The following C11orf87 variants were observed in gnomAD, a reference collection of about 807,000 sequenced individuals.
C11orf87 encodes the protein chromosome 11 open reading frame 87.
In C11orf87, 3 loss-of-function variants were observed where a neutral mutation model predicts 9.2. That is an observed-to-expected ratio of 0.33 (90% CI 0.15 to 0.84). The LOEUF (loss-of-function observed/expected upper bound fraction) is 0.84, where lower values mean the gene tolerates loss of function less well. Among genes scored for constraint, C11orf87 ranks in the 40% least tolerant of loss-of-function variants. The probability of loss-of-function intolerance (pLI) is 0.55; values close to 1 mark genes in which losing one functional copy is unlikely to be tolerated. For missense variants in C11orf87, 256 were observed against 270.7 expected, an observed-to-expected ratio of 0.95 and a Z score of 0.38; for synonymous variants, 124 against 124.6, an observed-to-expected ratio of 1.00 and a Z score of 0.03.
In C11orf87 at chr11:109,423,977, T is replaced by C. The variant is rs763190720; in HGVS notation, c.344T>C (p.Leu115Pro). Reference sequence around the variant, plus strand: ...AGCGGCAGCCGCGGTGGCGGGGGGCTGCCCCGACCTGGCAGGCAGGCCCCA... The same window carrying C: ...AGCGGCAGCCGCGGTGGCGGGGGGCCGCCCCGACCTGGCAGGCAGGCCCCA... ...HCSGSRGGGG[L>P]PRPGRQAPTH... The change falls in exon 2 of 2, where the codon CTG becomes CCG. Residue 115 changes from leucine (L) to proline (P), a missense_variant. Coordinates refer to ENST00000327419, the MANE Select transcript of C11orf87 (RefSeq NM_207645.4). This position sits in a 1 kb window ranked among gnomAD's most constrained non-coding sequence, Gnocchi z 5.3. 5.0e-6 allele frequency: 8 copies of C among 1,613,578 alleles called. No individual in the cohort carries two copies. In the South Asian group the frequency reaches 7.7e-5, roughly 16 times the overall value.
rs1860548640 is a variant in C11orf87 at position 109,424,801 on chromosome 11, T to A, written c.*574T>A. On this transcript the variant is annotated 3_prime_UTR_variant, in exon 2 of 2. Coordinates refer to ENST00000327419, the MANE Select transcript of C11orf87 (RefSeq NM_207645.4). This position sits in a 1 kb window ranked among gnomAD's most constrained non-coding sequence, Gnocchi z 4.7. ...AATAGTATATTATAAAGAAAATGTCTACATTAAGCACCAGGACTGCAAGAG... is the reference window on the plus strand; with the variant it reads ...AATAGTATATTATAAAGAAAATGTCAACATTAAGCACCAGGACTGCAAGAG... 2 of 167,166 alleles carry A rather than the reference T, an allele frequency of 1.2e-5. No individual in the cohort carries two copies. The highest frequency in any genetic ancestry group is 4.1e-4 in the South Asian group (2 of 4,822). 10.4% of individuals were successfully genotyped at this position (167,166 alleles called of 1,614,324 possible). A position where few individuals can be genotyped will look rare whatever the true frequency, so the allele number is the denominator to read the frequency against.
chr11:109,423,629 C>A lies in C11orf87; in HGVS notation c.-5C>A, dbSNP rs779524290. ...GTGGGCCTGGCCCCTCCCAGCCCCG[C>A]GCCAATGAGTGCCAGGGCGCCGAAG... On this transcript the variant is annotated 5_prime_UTR_variant, in exon 2 of 2. Coordinates refer to ENST00000327419, the MANE Select transcript of C11orf87 (RefSeq NM_207645.4). This position sits in a 1 kb window ranked among gnomAD's most constrained non-coding sequence, Gnocchi z 5.3. The A allele has an allele frequency of 6.3e-7, 1 of 1,592,346 alleles. No homozygotes were observed. Among genetic ancestry groups the A allele is most frequent in the Non-Finnish European group, 8.5e-7 (1 of 1,176,314 alleles).
Position 109,427,426 on chromosome 11 carries a change from A to G in C11orf87, c.*3199A>G, listed in dbSNP as rs1204150057. Reference sequence around the variant, plus strand: ...TCCAGTTTCCACACAAAATTATTTCAATAAGCACATATCCAAGCAATTTGT... The same window carrying G: ...TCCAGTTTCCACACAAAATTATTTCGATAAGCACATATCCAAGCAATTTGT... On this transcript the variant is annotated 3_prime_UTR_variant, in exon 2 of 2. Transcript: ENST00000327419. 6.6e-6 allele frequency: 1 copy of G among 152,174 alleles called. No homozygotes were observed. The highest frequency in any genetic ancestry group is 2.4e-5 in the African/African-American group (1 of 41,456). The allele number at this position is 152,174 out of a possible 1,614,324, so 9.4% of individuals were successfully genotyped here.
chr11:109,423,152 G>A lies in C11orf87; in HGVS notation c.-259-223G>A, dbSNP rs1287999716. ...CTGCTGAGTAATCTGCACCTCCGCG[G>A]TGCCGGCGCAGACCCCATCCTGTCG... On this transcript the variant is annotated intron_variant, in intron 1 of 1. Coordinates refer to ENST00000327419, the MANE Select transcript of C11orf87 (RefSeq NM_207645.4). The surrounding 1 kb of genome is among the most constrained non-coding windows in gnomAD (Gnocchi z 5.3). Among the ~76,000 whole-genome samples, 1 of 152,214 alleles carries A rather than the reference G, an allele frequency of 6.6e-6. No homozygotes were observed. Among genetic ancestry groups the A allele is most frequent in the Non-Finnish European group, 1.5e-5 (1 of 68,038 alleles).
At chr11:109,422,976 C>CT (rs894112769) in intron 1 of C11orf87, among the ~76,000 whole-genome samples, 3 of 151,602 alleles carry the variant, frequency 2.0e-5, no homozygotes, top group African/African-American at 7.3e-5. Flanking sequence ...GGAGTGGGTG[C>CT]TGGGAAGGGT....
At position 109,424,850 on chromosome 11, in the gene C11orf87, A is replaced by C. The variant is rs1860549480; in HGVS notation, c.*623A>C. ...AGGCCATAGAGAATAGTCCCCGGAA[A>C]GTGTTTATGACAGGTACCCCTCGCC... On this transcript the variant is annotated 3_prime_UTR_variant, in exon 2 of 2. Coordinates refer to ENST00000327419, the MANE Select transcript of C11orf87 (RefSeq NM_207645.4). This position sits in a 1 kb window ranked among gnomAD's most constrained non-coding sequence, Gnocchi z 4.7. The C allele has an allele frequency of 1.2e-5, 2 of 167,202 alleles. No individual in the cohort carries two copies. Among genetic ancestry groups the C allele is most frequent in the South Asian group, 4.1e-4 (2 of 4,822 alleles). 10.4% of individuals were successfully genotyped at this position (167,202 alleles called of 1,614,324 possible).
intron 1 of C11orf87, 106 bp downstream of exon 1, chr11:109,422,369 T>C: frequency 6.2e-6 from 1 of 161,900 alleles, no homozygotes; most frequent in South Asian, 1.5e-4. Flanking sequence ...CCCCTGGCCA[T>C]AGCTCCAGCC....
rs1246011905 is a variant in C11orf87, at chr11:109,425,756, G to T, written c.*1529G>T. On this transcript the variant is annotated 3_prime_UTR_variant, in exon 2 of 2. Transcript: ENST00000327419. ...AGTTACCACCTGGAGGCAGTGGTGT[G>T]TGTGCTTGCTTGTACTGTATGTGGT... is the stretch of plus-strand genomic sequence containing the variant. 1 of 152,474 alleles carries T rather than the reference G, an allele frequency of 6.6e-6. No homozygotes were observed. The allele number at this position is 152,474 out of a possible 1,614,324, so 9.4% of individuals were successfully genotyped here. A position where few individuals can be genotyped will look rare whatever the true frequency, so the allele number is the denominator to read the frequency against.
At chr11:109,422,722 C>CT (rs772868114) in intron 1 of C11orf87, among the ~76,000 whole-genome samples, 3,548 of 71,402 alleles carry the variant, frequency 0.05, 644 homozygotes, top group East Asian at 0.1. Flanking sequence ...GCTTCAGCTG[C>CT]TTTTTTTTTT....
In C11orf87 at chr11:109,423,691, C is replaced by G; in HGVS notation, c.58C>G (p.Arg20Gly). Reference protein sequence around the residue: ...RLALPPCLLNRTFASPNASGS... With the variant: ...RLALPPCLLNGTFASPNASGS... ...GGCGTTGCCGCCGTGTCTCCTCAAC[C>G]GGACCTTTGCTTCCCCCAACGCCAG... Residue 20 changes from arginine (R) to glycine (G), a missense_variant, in exon 2 of 2, where the codon CGG (arginine) becomes GGG (glycine). Coordinates refer to ENST00000327419, the MANE Select transcript of C11orf87 (RefSeq NM_207645.4). The surrounding 1 kb of genome is among the most constrained non-coding windows in gnomAD (Gnocchi z 5.3). 1 of 1,611,874 alleles carries G rather than the reference C, an allele frequency of 6.2e-7. No homozygotes were observed. Among genetic ancestry groups the G allele is most frequent in the Non-Finnish European group, 8.5e-7 (1 of 1,179,886 alleles).
rs1860594016 is a variant in C11orf87 at position 109,427,882 on chromosome 11, C to T, written c.*3655C>T. On this transcript the variant is annotated 3_prime_UTR_variant, in exon 2 of 2. Coordinates refer to ENST00000327419, the MANE Select transcript of C11orf87 (RefSeq NM_207645.4). ...TGACTTTTTGTATTCTCTTTTCTGT[C>T]ATTACAAGAATGAGATGGAAACCAA... The T allele has an allele frequency of 6.6e-6, 1 of 151,926 alleles. No homozygotes were observed. Among genetic ancestry groups the T allele is most frequent in the South Asian group, 2.1e-4 (1 of 4,824 alleles). 9.4% of individuals were successfully genotyped at this position (151,926 alleles called of 1,614,324 possible).
In C11orf87 at chr11:109,425,562, A is replaced by T. The variant is rs899606960; in HGVS notation, c.*1335A>T. The T allele has an allele frequency of 4.2e-5, 7 of 166,994 alleles. No individual in the cohort carries two copies. Among genetic ancestry groups the T allele is most frequent in the African/African-American group, 1.7e-4 (7 of 41,452 alleles). The allele number at this position is 166,994 out of a possible 1,614,324, so 10.3% of individuals were successfully genotyped here. A position where few individuals can be genotyped will look rare whatever the true frequency, so the allele number is the denominator to read the frequency against. ...TTCCAGAAGTGTTCTTTTGTACCTT[A>T]TTCTGTAGTAGACTGTTATAAAAAG... On this transcript the variant is annotated 3_prime_UTR_variant, in exon 2 of 2. Coordinates refer to ENST00000327419, the MANE Select transcript of C11orf87 (RefSeq NM_207645.4).
rs1289550072 is a variant in C11orf87, at chr11:109,427,068, G to A, written c.*2841G>A. On this transcript the variant is annotated 3_prime_UTR_variant, in exon 2 of 2. Coordinates refer to ENST00000327419, the MANE Select transcript of C11orf87 (RefSeq NM_207645.4). ...AAGGAGCAGCCTGTACACTCTGTGG[G>A]GGTAATTATGAAATTGTCCTACATC... 6.6e-6 allele frequency: 1 copy of A among 152,098 alleles called. No individual in the cohort carries two copies. The highest frequency in any genetic ancestry group is 6.6e-5 in the Admixed American group (1 of 15,258). The allele number at this position is 152,098 out of a possible 1,614,324, so 9.4% of individuals were successfully genotyped here.
chr11:109,423,828 T>C lies in C11orf87; in HGVS notation c.195T>C (p.Ile65=). Residue 65 remains isoleucine, a synonymous_variant, in exon 2 of 2, where the codon ATT becomes ATC. Transcript: ENST00000327419. This position sits in a 1 kb window ranked among gnomAD's most constrained non-coding sequence, Gnocchi z 5.3. Reference sequence around the variant, plus strand: ...CCTTCTCCTCCACGCTGGTGCTGATTGTCCTGGTTACCCTCATCTTCTGCC... The same window carrying C: ...CCTTCTCCTCCACGCTGGTGCTGATCGTCCTGGTTACCCTCATCTTCTGCC... The part of the protein sequence containing the change: ...FQSFSSTLVL[I]VLVTLIFCLI... 6.2e-7 allele frequency: 1 copy of C among 1,614,136 alleles called. No homozygotes were observed. The highest frequency in any genetic ancestry group is 1.7e-5 in the Admixed American group (1 of 60,036).
At position 109,422,190 on chromosome 11, in the gene C11orf87, A is replaced by G; in HGVS notation, c.-333A>G. On this transcript the variant is annotated 5_prime_UTR_variant, in exon 1 of 2. Coordinates refer to ENST00000327419, the MANE Select transcript of C11orf87 (RefSeq NM_207645.4). ...GCGCGGCTCGGTCTCTGGTCCATTC[A>G]CTCCACGCTTTCTGCAGCCGCCACT... 9.2e-6 allele frequency: 2 copies of G among 217,036 alleles called. No individual in the cohort carries two copies. Among genetic ancestry groups the G allele is most frequent in the South Asian group, 5.4e-5 (1 of 18,556 alleles). 13.4% of individuals were successfully genotyped at this position (217,036 alleles called of 1,614,324 possible).
At position 109,427,702 on chromosome 11, in the gene C11orf87, G is replaced by T. The variant is rs532372197; in HGVS notation, c.*3475G>T. On this transcript the variant is annotated 3_prime_UTR_variant, in exon 2 of 2. Transcript: ENST00000327419. ...TAAGGTGGCATGCTTGATTCTTATT[G>T]TTTTTAAAAATGAGAAAATTTGGAG... 1 of 152,154 alleles carries T rather than the reference G, an allele frequency of 6.6e-6. No homozygotes were observed. Among genetic ancestry groups the T allele is most frequent in the Non-Finnish European group, 1.5e-5 (1 of 67,962 alleles). The allele number at this position is 152,154 out of a possible 1,614,324, so 9.4% of individuals were successfully genotyped here. A position where few individuals can be genotyped will look rare whatever the true frequency, so the allele number is the denominator to read the frequency against.
rs1860608027 is a variant in C11orf87 at position 109,429,041 on chromosome 11, T to C, written c.*4814T>C. 6.6e-6 allele frequency: 1 copy of C among 152,138 alleles called. No individual in the cohort carries two copies. The highest frequency in any genetic ancestry group is 1.5e-5 in the Non-Finnish European group (1 of 68,010). 9.4% of individuals were successfully genotyped at this position (152,138 alleles called of 1,614,324 possible). On this transcript the variant is annotated 3_prime_UTR_variant, in exon 2 of 2. Transcript: ENST00000327419. ...TTTGAACTTGAGTATATCCAATAGATAGAAGAAAAAAGATATTAGAATTCA... is the reference window on the plus strand; with the variant it reads ...TTTGAACTTGAGTATATCCAATAGACAGAAGAAAAAAGATATTAGAATTCA...
In C11orf87 at chr11:109,424,128, G is replaced by T. The variant is rs1343532568; in HGVS notation, c.495G>T (p.Pro165=). The T allele has an allele frequency of 6.2e-7, 1 of 1,613,732 alleles. No individual in the cohort carries two copies. The highest frequency in any genetic ancestry group is 2.2e-5 in the East Asian group (1 of 44,852). ...CGTGCCAGGGTCCCTGTGCTCCTCC[G>T]CCTCCACCGCCAGCCTCCAGTCCCC... ...GLPCQGPCAP[P]PPPPASSPQG... Residue 165 remains proline (P), a synonymous_variant, in exon 2 of 2, where the codon CCG becomes CCT. Coordinates refer to ENST00000327419, the MANE Select transcript of C11orf87 (RefSeq NM_207645.4). This position sits in a 1 kb window ranked among gnomAD's most constrained non-coding sequence, Gnocchi z 4.7.
Position 109,425,653 on chromosome 11 carries a change from A to G in C11orf87, c.*1426A>G, listed in dbSNP as rs1353569626. Reference sequence around the variant, plus strand: ...AAAAACACAACCACAGAAACAAACAAATAATGGATGTGCAAGAATGCCATC... The same window carrying G: ...AAAAACACAACCACAGAAACAAACAGATAATGGATGTGCAAGAATGCCATC... On this transcript the variant is annotated 3_prime_UTR_variant, in exon 2 of 2. Coordinates refer to ENST00000327419, the MANE Select transcript of C11orf87 (RefSeq NM_207645.4). 2 of 158,682 alleles carry G rather than the reference A, an allele frequency of 1.3e-5. No individual in the cohort carries two copies. Among genetic ancestry groups the G allele is most frequent in the Non-Finnish European group, 2.9e-5 (2 of 68,078 alleles). The allele number at this position is 158,682 out of a possible 1,614,324, so 9.8% of individuals were successfully genotyped here. A position where few individuals can be genotyped will look rare whatever the true frequency, so the allele number is the denominator to read the frequency against.
Sources: allele counts gnomAD v4.1 joint callset (sites outside exome capture counted in the v4.1 genomes callset), GRCh38; gene constraint gnomAD v4.1.1; non-coding constraint Gnocchi (gnomAD v3.1); transcripts MANE v1.5; gene names NCBI Gene and HGNC (gene_info 2026-07-23, HGNC 2026-07-21).